PRKN: variants seen among roughly 807,000 people sequenced by gnomAD.
PRKN encodes parkin RBR E3 ubiquitin protein ligase.
In PRKN, 56 loss-of-function variants were observed where a neutral mutation model predicts 59.5. The observed-to-expected ratio is 0.94, with a 90% CI of 0.76 to 1.18. The LOEUF (loss-of-function observed/expected upper bound fraction) is 1.18. Among genes scored for constraint, PRKN ranks in the 50% most tolerant of loss-of-function variants. The probability of loss-of-function intolerance (pLI) is 0.00; values close to 1 mark genes in which losing one functional copy is unlikely to be tolerated. For missense variants in PRKN, 657 were observed against 596.4 expected (o/e 1.10, Z -1.06); for synonymous variants, 250 against 222.1 (o/e 1.13, Z -1.12).
At chr6:162,024,344 G>A (rs1356658758) in intron 5 of PRKN, among the ~76,000 whole-genome samples, 1 of 151,846 alleles carries the variant, frequency 6.6e-6, no homozygotes, top group Admixed American at 6.6e-5. Context: ...GTAATTGCAT[G>A]TGCCAACATG....
chr6:161,760,068 C>T (rs1316172520), intron 7 of PRKN, among the ~76,000 whole-genome samples: 2 of 53,250 alleles, frequency 3.8e-5, no homozygotes, highest in Admixed American at 3.1e-4. Context: ...CCACACAGCT[C>T]GTTCTTAAAA....
At chr6:161,520,457 A>AC (rs1778779043) in intron 9 of PRKN, among the ~76,000 whole-genome samples, 1 of 151,846 alleles carries the variant, frequency 6.6e-6, no homozygotes, top group African/African-American at 2.4e-5. Context: ...CAAACTCTTG[A>AC]CCTCAGGTGA....
At chr6:162,601,221 C>T (rs981464706) in intron 1 of PRKN, among the ~76,000 whole-genome samples, 1 of 151,594 alleles carries the variant, frequency 6.6e-6, no homozygotes, top group African/African-American at 2.4e-5. Flanking sequence ...ATCATAGTGG[C>T]CCCACCCCGA....
At chr6:161,835,312 G>C (rs1304754500) in intron 6 of PRKN, among the ~76,000 whole-genome samples, 5 of 152,070 alleles carry the variant, frequency 3.3e-5, no homozygotes, top group Non-Finnish European at 7.4e-5. Context: ...AGAAGGAAGG[G>C]GGGCTTCCTG....
chr6:161,429,638 G>A lies in PRKN; in HGVS notation c.1084-42761C>T, dbSNP rs141733299. The stretch of plus-strand genomic sequence containing the variant: ...CCACGGAGATGGCTGCTGGTTTCAG[G>A]TTTGGGCCACAAGTAGATCAATGAA... On this transcript the variant is annotated intron_variant, in intron 9 of 11. Coordinates refer to ENST00000366898, the MANE Select transcript of PRKN (RefSeq NM_004562.3). This position sits in a 1 kb window ranked among gnomAD's most constrained non-coding sequence, Gnocchi z 4.2. Among the ~76,000 whole-genome samples the A allele has an allele frequency of 1.4e-3, 208 of 152,250 alleles. No individual in the cohort carries two copies. The highest frequency in any genetic ancestry group is 4.9e-3 in the African/African-American group (205 of 41,522).
At chr6:161,351,769 G>A (rs1562388021) in intron 11 of PRKN, among the ~76,000 whole-genome samples, 1 of 152,168 alleles carries the variant, frequency 6.6e-6, no homozygotes, top group South Asian at 2.1e-4. Context: ...TTTGAGATAA[G>A]AGCATCACTC....
In PRKN at chr6:161,569,395, A is replaced by G. The variant is rs755374874; in HGVS notation, c.893T>C (p.Ile298Thr). The stretch of plus-strand genomic sequence containing the variant: ...AATCCTGAAGTGATGGAGCTCTTTA[A>G]TCAAGGAGTTGGGACAGCCAGCTGT... The part of the protein sequence containing the change: ...PCVAGCPNSL[I>T]KELHHFRILG... Residue 298 changes from isoleucine (I) to threonine (T), a missense_variant, in exon 8 of 12, where the codon ATT (isoleucine) becomes ACT (threonine). Ile to Thr is a moderately conservative substitution (Grantham distance 89). Coordinates refer to ENST00000366898, the MANE Select transcript of PRKN (RefSeq NM_004562.3). The G allele has an allele frequency of 3.7e-6, 6 of 1,614,052 alleles. No homozygotes were observed. Among genetic ancestry groups the G allele is most frequent in the Non-Finnish European group, 5.1e-6 (6 of 1,179,890 alleles).
chr6:161,680,767 ATATATATATTTTTTT>A (rs1218580451), intron 7 of PRKN, among the ~76,000 whole-genome samples: 2 of 12,240 alleles, frequency 1.6e-4, no homozygotes, highest in African/African-American at 4.6e-4. Flanking sequence ...ATATATATAT[ATATATATATTTTTTT>A]TTTTTTTTCT....
chr6:162,373,659 G>T (rs1785890867), intron 2 of PRKN, among the ~76,000 whole-genome samples: 1 of 151,974 alleles, frequency 6.6e-6, no homozygotes. Context: ...CCCTTATATA[G>T]GAAATTTTAA....
chr6:162,107,704 G>A (rs1039281585), intron 4 of PRKN, among the ~76,000 whole-genome samples: 1 of 152,022 alleles, frequency 6.6e-6, no homozygotes. Flanking sequence ...CTCTTTTCCT[G>A]TTGCTGTGAA....
At chr6:161,510,092 A>C (rs16892668) in intron 9 of PRKN, among the ~76,000 whole-genome samples, 15,335 of 152,132 alleles carry the variant, frequency 0.1, 995 homozygotes, top group African/African-American at 0.18. Context: ...TTCTGAAGAC[A>C]TATGCATCGT....
At chr6:162,265,561 C>T (rs1361149929) in intron 2 of PRKN, among the ~76,000 whole-genome samples, 9 of 152,066 alleles carry the variant, frequency 5.9e-5, no homozygotes. Context: ...CATGGTGGTG[C>T]GTGCCTGTAA....
intron 1 of PRKN, among the ~76,000 whole-genome samples, chr6:162,475,882 G>T (rs1205843850): frequency 1.3e-5 from 2 of 151,988 alleles, no homozygotes; most frequent in East Asian, 3.9e-4. Context: ...CTCCCAAGTA[G>T]CTGGGATTAC....
At chr6:161,898,039 C>T (rs1288458703) in intron 6 of PRKN, among the ~76,000 whole-genome samples, 1 of 148,032 alleles carries the variant, frequency 6.8e-6, no homozygotes, top group African/African-American at 2.5e-5. Flanking sequence ...TCAATTAAAT[C>T]AAGAACAAAT....
intron 2 of PRKN, among the ~76,000 whole-genome samples, chr6:162,353,049 A>T (rs1784689791): frequency 6.6e-6 from 1 of 152,128 alleles, no homozygotes; most frequent in Non-Finnish European, 1.5e-5. Flanking sequence ...TAGTATGTTG[A>T]ATGAGAAGTT....
At chr6:162,690,068 T>C (rs1298215678) in intron 1 of PRKN, among the ~76,000 whole-genome samples, 4 of 30,538 alleles carry the variant, frequency 1.3e-4, no homozygotes, top group South Asian at 1.3e-3. Context: ...TTCTTGAAGA[T>C]ATATTGTTAT....
chr6:161,952,976 C>G (rs1235095940), intron 6 of PRKN, among the ~76,000 whole-genome samples: 1 of 152,116 alleles, frequency 6.6e-6, no homozygotes, highest in Non-Finnish European at 1.5e-5. Flanking sequence ...AAGACATGCC[C>G]ACGTGAGCAG....
intron 1 of PRKN, among the ~76,000 whole-genome samples, chr6:162,585,935 C>T (rs1299399260): frequency 2.6e-5 from 4 of 152,096 alleles, no homozygotes; most frequent in Admixed American, 1.3e-4. Flanking sequence ...GAACTCCTGA[C>T]CTCAAGTGAT....
At chr6:162,069,876 T>C (rs1020590113) in intron 4 of PRKN, among the ~76,000 whole-genome samples, 9 of 152,310 alleles carry the variant, frequency 5.9e-5, no homozygotes, top group South Asian at 2.1e-4. Flanking sequence ...AAATCCCTCA[T>C]TTGAAAAAAC....
Sources: gnomAD v4.1 joint callset for allele counts (sites outside exome capture counted in the v4.1 genomes callset) on GRCh38, gnomAD v4.1.1 for gene constraint, Gnocchi (gnomAD v3.1) non-coding constraint, MANE v1.5 for transcripts, NCBI Gene and HGNC (gene_info 2026-07-23, HGNC 2026-07-21) for gene names.